The following CPNE8 variants were observed in gnomAD, a reference collection of about 807,000 sequenced individuals.
CPNE8 encodes the protein copine 8.
CPNE8 carries 45 observed loss-of-function variants against 81.5 expected under a neutral mutation model. The observed-to-expected ratio is 0.55, with a 90% CI of 0.44 to 0.71. The LOEUF (loss-of-function observed/expected upper bound fraction) is 0.71, where lower values mean the gene tolerates loss of function less well. CPNE8 is among the 30% of genes least tolerant of loss of function. CPNE8 has a pLI of 0.00. For synonymous variants in CPNE8, 252 were observed against 226.3 expected (o/e 1.11, Z -1.02); for missense variants, 594 against 672.1 (o/e 0.88, Z 1.28).
At chr12:38,896,048 C>A (rs1944383868) in intron 1 of CPNE8, among the ~76,000 whole-genome samples, 2 of 152,092 alleles carry the variant, frequency 1.3e-5, no homozygotes, top group South Asian at 4.1e-4. Flanking sequence ...CCACTTTATA[C>A]ATTGTCTGAC....
At chr12:38,735,434 A>G (rs1052700117) in intron 10 of CPNE8, among the ~76,000 whole-genome samples, 2 of 85,924 alleles carry the variant, frequency 2.3e-5, no homozygotes, top group Admixed American at 2.9e-4. Context: ...ATTACAAGTA[A>G]AATGCACCAT....
At chr12:38,746,152 C>T (rs1941223295) in intron 10 of CPNE8, among the ~76,000 whole-genome samples, 1 of 151,862 alleles carries the variant, frequency 6.6e-6, no homozygotes. Flanking sequence ...ATGGAGATGA[C>T]AATGTCATCA....
intron 3 of CPNE8, among the ~76,000 whole-genome samples, chr12:38,869,061 A>G (rs1195691237): frequency 6.6e-6 from 1 of 152,192 alleles, no homozygotes; most frequent in Non-Finnish European, 1.5e-5. Context: ...GTTCAACATA[A>G]TAGCATTATC....
At chr12:38,788,863 CA>C (rs961757986) in intron 6 of CPNE8, among the ~76,000 whole-genome samples, 7 of 150,784 alleles carry the variant, frequency 4.6e-5, no homozygotes, top group East Asian at 2.0e-4. Flanking sequence ...ACAGTAGCCA[CA>C]AAAAAAATTA....
intron 6 of CPNE8, among the ~76,000 whole-genome samples, chr12:38,799,834 G>C (rs1317066207): frequency 6.7e-6 from 1 of 149,648 alleles, no homozygotes; most frequent in South Asian, 2.2e-4. Flanking sequence ...GCGAGGCATT[G>C]CCTCACCTGG....
At chr12:38,737,137 A>G (rs1284557506) in intron 10 of CPNE8, among the ~76,000 whole-genome samples, 2 of 151,772 alleles carry the variant, frequency 1.3e-5, no homozygotes, top group Non-Finnish European at 2.9e-5. Context: ...TAGTAATAAC[A>G]ATAATTATCA....
intron 6 of CPNE8, among the ~76,000 whole-genome samples, chr12:38,802,778 A>G (rs928063804): frequency 6.9e-6 from 1 of 145,114 alleles, no homozygotes; most frequent in African/African-American, 2.5e-5. Flanking sequence ...ATAAAGAAAA[A>G]AAGAGAGAAG....
intron 10 of CPNE8, among the ~76,000 whole-genome samples, chr12:38,758,499 T>C (rs752806038): frequency 5.9e-5 from 9 of 152,122 alleles, no homozygotes; most frequent in African/African-American, 9.7e-5. Context: ...ACGATTACAA[T>C]GCTATAAAAA....
chr12:38,680,440 G>A (rs1025678643), intron 16 of CPNE8, among the ~76,000 whole-genome samples: 2 of 151,986 alleles, frequency 1.3e-5, no homozygotes, highest in Non-Finnish European at 2.9e-5. Context: ...TTTTGACTGG[G>A]CAATGAAGTG....
chr12:38,826,629 G>C (rs1219194320), intron 6 of CPNE8, among the ~76,000 whole-genome samples: 1 of 152,026 alleles, frequency 6.6e-6, no homozygotes, highest in African/African-American at 2.4e-5. Flanking sequence ...CATACCTAGT[G>C]GGAATTGTTG....
intron 13 of CPNE8, among the ~76,000 whole-genome samples, chr12:38,710,282 A>AAAAC (rs982247940): frequency 1.3e-5 from 2 of 149,472 alleles, no homozygotes; most frequent in African/African-American, 4.9e-5. Flanking sequence ...AAAAAAAAAA[A>AAAAC]AAAAAACCAA....
chr12:38,888,634 A>G (rs1384714575), intron 1 of CPNE8, among the ~76,000 whole-genome samples: 1 of 152,216 alleles, frequency 6.6e-6, no homozygotes, highest in Non-Finnish European at 1.5e-5. Flanking sequence ...TGTATGTTTC[A>G]TCCTTATCAG....
chr12:38,729,759 T>C (rs1940788840), intron 11 of CPNE8, among the ~76,000 whole-genome samples: 2 of 152,036 alleles, frequency 1.3e-5, no homozygotes, highest in Non-Finnish European at 2.9e-5. Context: ...CAATACATAT[T>C]TGGTGATTAA....
intron 14 of CPNE8, among the ~76,000 whole-genome samples, chr12:38,702,575 T>C (rs2136690489): frequency 6.6e-6 from 1 of 152,214 alleles, no homozygotes; most frequent in East Asian, 1.9e-4. Flanking sequence ...GGGTCAGAGA[T>C]ACAATAGGCT....
chr12:38,791,140 G>T (rs756280642), intron 6 of CPNE8, among the ~76,000 whole-genome samples: 1 of 151,596 alleles, frequency 6.6e-6, no homozygotes, highest in African/African-American at 2.4e-5. Flanking sequence ...TAAATAAGAT[G>T]TAACTGCCTT....
chr12:38,692,213 G>A lies in CPNE8; in HGVS notation c.1143+1444C>T, dbSNP rs182139123. ...CTGAGGCACGAGAACTGCTTGAACC[G>A]GGGAGGCAGAGGTTGCAGTGAGCTG... On this transcript the variant is annotated intron_variant, in intron 15 of 19. Coordinates refer to ENST00000331366, the MANE Select transcript of CPNE8 (RefSeq NM_153634.3). 7.2e-5 allele frequency among the ~76,000 whole-genome samples: 11 copies of A among 151,920 alleles called. No homozygotes were observed. The East Asian group carries it at 1.7e-3, about 24-fold the overall frequency.
upstream of CPNE8, chr12:38,905,844 G>A (rs1421657975): frequency 1.6e-5 from 16 of 985,250 alleles, no homozygotes; most frequent in Non-Finnish European, 1.9e-5. Context: ...CCTCCTGGCT[G>A]GAGGGGTCAG....
intron 7 of CPNE8, among the ~76,000 whole-genome samples, chr12:38,774,900 G>A (rs899090109): frequency 6.6e-6 from 1 of 152,158 alleles, no homozygotes; most frequent in South Asian, 2.1e-4. Flanking sequence ...TTTTTTAAAT[G>A]ACTTAAATTA....
chr12:38,798,712 T>C (rs1481777164), intron 6 of CPNE8, among the ~76,000 whole-genome samples: 1 of 151,736 alleles, frequency 6.6e-6, no homozygotes, highest in African/African-American at 2.4e-5. Flanking sequence ...TAACTTTAAA[T>C]GAAAATGGAC....
Sources: allele counts gnomAD v4.1 joint callset (sites outside exome capture counted in the v4.1 genomes callset), GRCh38; gene constraint gnomAD v4.1.1; transcripts MANE v1.5; gene names NCBI Gene and HGNC (gene_info 2026-07-23, HGNC 2026-07-21).